SUGP2: variants seen among roughly 807,000 people sequenced by gnomAD.
SUGP2 encodes SURP and G-patch domain-containing protein 2.
SUGP2 carries 24 observed loss-of-function variants against 90.5 expected under a neutral mutation model. That is an observed-to-expected ratio of 0.27 (90% CI 0.19 to 0.37). The LOEUF (loss-of-function observed/expected upper bound fraction) is 0.37, where lower values mean the gene tolerates loss of function less well. Among genes scored for constraint, SUGP2 ranks in the 10% least tolerant of loss-of-function variants. The pLI is 1.00. For missense variants in SUGP2, 1,233 were observed against 1,363.3 expected (o/e 0.90, Z 1.51); for synonymous variants, 473 against 513.4 (o/e 0.92, Z 1.06).
intron 3 of SUGP2, among the ~76,000 whole-genome samples, chr19:19,020,248 T>C (rs1343688463): frequency 1.3e-5 from 2 of 151,256 alleles, no homozygotes; most frequent in South Asian, 2.1e-4. Context: ...GCTAACACGA[T>C]GAAACTCCAT....
At chr19:19,015,519 T>G (rs2058467785) in intron 4 of SUGP2, among the ~76,000 whole-genome samples, 1 of 152,178 alleles carries the variant, frequency 6.6e-6, no homozygotes, top group Non-Finnish European at 1.5e-5. Context: ...CTCTTTTTTT[T>G]GAGACAGAGT....
At chr19:19,033,779 C>G (rs2059295075), upstream of SUGP2, 1 of 249,942 alleles carries the variant, frequency 4.0e-6, no homozygotes, top group Non-Finnish European at 7.7e-6. Context: ...CGCGGTCGTC[C>G]TTGGTTATCG....
At chr19:18,996,944 G>A (rs891068461) in intron 8 of SUGP2, among the ~76,000 whole-genome samples, 1 of 151,874 alleles carries the variant, frequency 6.6e-6, no homozygotes, top group African/African-American at 2.4e-5. Flanking sequence ...AGGTGCTGAG[G>A]AGGATCACGG....
chr19:19,014,653 T>C (rs1055149690), intron 4 of SUGP2, among the ~76,000 whole-genome samples: 1 of 150,080 alleles, frequency 6.7e-6, no homozygotes, highest in African/African-American at 2.5e-5. Flanking sequence ...AAAAAGCTGA[T>C]AGCTGAATGC....
rs2059116078 is a variant in SUGP2 at position 19,030,597 on chromosome 19, T to A, written c.121+354A>T. On this transcript the variant is annotated intron_variant, in intron 2 of 10. Coordinates refer to ENST00000452918, the MANE Select transcript of SUGP2 (RefSeq NM_001017392.5). ...AGGATATCCAGTGAGAAGCTCCAGA[T>A]AACTACATAATGATGACTGACAGAT... Among the ~76,000 whole-genome samples, 3 of 151,832 alleles carry A rather than the reference T, an allele frequency of 2.0e-5. No individual in the cohort carries two copies. In the South Asian group the frequency reaches 6.2e-4, roughly 32 times the overall value.
chr19:18,994,323 C>T (rs146224647), intron 10 of SUGP2, 43 bp downstream of exon 10: 2 of 1,592,656 alleles, frequency 1.3e-6, no homozygotes, highest in Admixed American at 1.7e-5. Flanking sequence ...TACCAGCACG[C>T]CAGCGAGGGC....
intron 6 of SUGP2, 88 bp downstream of exon 6, chr19:19,008,229 A>G (rs896897942): frequency 1.2e-5 from 14 of 1,137,110 alleles, no homozygotes; most frequent in South Asian, 4.9e-5. Context: ...ACTTGAGCCC[A>G]GGAATTCAAA....
Position 19,010,186 on chromosome 19 carries a change from G to A in SUGP2, c.2007C>T (p.Asn669=). Residue 669 remains asparagine, a synonymous_variant, in exon 5 of 11, where the codon AAC becomes AAT. Coordinates refer to ENST00000452918, the MANE Select transcript of SUGP2 (RefSeq NM_001017392.5). ...GCCACGGAAGGAGTTTCTTCTTGAG[G>A]TTGCGGACAGCCCGGGAGTACAGCA... The part of the protein sequence containing the change: ...RAMLYSRAVR[N]LKKKLLPWQR... 1.9e-6 allele frequency: 3 copies of A among 1,613,898 alleles called. No individual in the cohort carries two copies. Among genetic ancestry groups the A allele is most frequent in the Non-Finnish European group, 2.5e-6 (3 of 1,179,992 alleles).
chr19:19,003,961 G>A (rs1285191959), intron 7 of SUGP2, among the ~76,000 whole-genome samples: 3 of 152,250 alleles, frequency 2.0e-5, no homozygotes, highest in Admixed American at 6.5e-5. Flanking sequence ...GCAGCAAGTA[G>A]AGTGCCAGAA....
At chr19:18,996,425 G>T (rs921124929) in intron 8 of SUGP2, among the ~76,000 whole-genome samples, 4 of 151,956 alleles carry the variant, frequency 2.6e-5, no homozygotes, top group Admixed American at 1.3e-4. Flanking sequence ...ACTTGTGTGT[G>T]TTTTTTTTAA....
At position 19,019,110 on chromosome 19, in the gene SUGP2, A is replaced by G; in HGVS notation, c.1849T>C (p.Trp617Arg). ...CAGCGTGGACATTTAAAGACCTACCAGTAAGCAGGGTCCTCTTTGAGAAGA... is the reference window on the plus strand; with the variant it reads ...CAGCGTGGACATTTAAAGACCTACCGGTAAGCAGGGTCCTCTTTGAGAAGA... Reference protein sequence around the residue: ...RTLLKEDPAYWFLSDENSLEY... With the variant: ...RTLLKEDPAYRFLSDENSLEY... Residue 617 changes from tryptophan to arginine, a missense_variant and splice_region_variant, in exon 4 of 11, where the codon TGG (tryptophan) becomes CGG (arginine). This residue lies in a region of SUGP2 where 540 missense variants were observed against 542.6 expected (regional missense o/e 1.00). Transcript: ENST00000452918. 1 of 1,613,644 alleles carries G rather than the reference A, an allele frequency of 6.2e-7. No individual in the cohort carries two copies. The highest frequency in any genetic ancestry group is 1.1e-5 in the South Asian group (1 of 91,076).
At chr19:19,002,839 A>C (rs554071827) in intron 7 of SUGP2, among the ~76,000 whole-genome samples, 1 of 151,900 alleles carries the variant, frequency 6.6e-6, no homozygotes, top group Non-Finnish European at 1.5e-5. Context: ...CTCATCAACT[A>C]CCCAAAGAAC....
In SUGP2 at chr19:19,026,075, T is replaced by G; in HGVS notation, c.273A>C (p.Arg91Ser). The part of the protein sequence containing the change: ...RSDVFPGPSF[R>S]SSNPSISDDS... ...CATCACTGATGGAAGGGTTGCTTGA[T>G]CTGAAGGAAGGCCCTGGAAATACGT... The change falls in exon 3 of 11, where the codon AGA (arginine) becomes AGC (serine). Residue 91 changes from arginine to serine, a missense_variant. By Grantham distance (110) the Arg-to-Ser change is moderately radical. Coordinates refer to ENST00000452918, the MANE Select transcript of SUGP2 (RefSeq NM_001017392.5). 6.2e-7 allele frequency: 1 copy of G among 1,614,082 alleles called. No individual in the cohort carries two copies. The highest frequency in any genetic ancestry group is 8.5e-7 in the Non-Finnish European group (1 of 1,180,030).
chr19:19,021,765 C>G (rs184683707), intron 3 of SUGP2, among the ~76,000 whole-genome samples: 487 of 151,838 alleles, frequency 3.2e-3, no homozygotes, highest in Middle Eastern at 6.8e-3. Flanking sequence ...TTCCCAAGTT[C>G]AAGCATCTCT....
In SUGP2 at chr19:19,023,377, C is replaced by G. The variant is rs181290541; in HGVS notation, c.1729+1242G>C. Reference sequence around the variant, plus strand: ...TCTAGCCCAGGCTGGAGTGCGGTGGCTATTCACAGATGCAATCATAGGTCA... The same window carrying G: ...TCTAGCCCAGGCTGGAGTGCGGTGGGTATTCACAGATGCAATCATAGGTCA... On this transcript the variant is annotated intron_variant, in intron 3 of 10. Transcript: ENST00000452918. Among the ~76,000 whole-genome samples the G allele has an allele frequency of 3.9e-5, 6 of 152,202 alleles. No individual in the cohort carries two copies. The East Asian group carries it at 1.2e-3, about 29-fold the overall frequency.
intron 4 of SUGP2, among the ~76,000 whole-genome samples, chr19:19,017,927 C>CT (rs1264966084): frequency 0.059 from 8,304 of 140,060 alleles, 487 homozygotes; most frequent in African/African-American, 0.16. Context: ...CTGATCATCA[C>CT]TTTTTTTTTT....
chr19:19,028,930 G>C (rs1273062859), intron 2 of SUGP2, among the ~76,000 whole-genome samples: 1 of 152,078 alleles, frequency 6.6e-6, no homozygotes, highest in Non-Finnish European at 1.5e-5. Context: ...CAGGTGATCT[G>C]CCCACCTTGG....
At chr19:19,012,110 A>T (rs2058333410) in intron 4 of SUGP2, among the ~76,000 whole-genome samples, 1 of 152,192 alleles carries the variant, frequency 6.6e-6, no homozygotes, top group South Asian at 2.1e-4. Context: ...TCCATACACA[A>T]GCTCCTGCTG....
chr19:19,026,439 A>C (rs938862750), intron 2 of SUGP2, among the ~76,000 whole-genome samples: 8 of 152,168 alleles, frequency 5.3e-5, no homozygotes, highest in Non-Finnish European at 1.0e-4. Flanking sequence ...CTAAAACAGA[A>C]GACCTATAAG....
Sources: gnomAD v4.1 joint callset for allele counts (sites outside exome capture counted in the v4.1 genomes callset) on GRCh38, gnomAD v4.1.1 for gene constraint, gnomAD v4.1.1 regional missense constraint, MANE v1.5 for transcripts, NCBI Gene and HGNC (gene_info 2026-07-23, HGNC 2026-07-21) for gene names.